The following ZPBP variants were observed in gnomAD, a reference collection of about 807,000 sequenced individuals.
ZPBP encodes zona pellucida-binding protein 1.
In ZPBP, 26 loss-of-function variants were observed where a neutral mutation model predicts 44.8. The observed-to-expected ratio is 0.58, with a 90% CI of 0.43 to 0.81. ZPBP has a LOEUF of 0.81. ZPBP is among the 30% of genes least tolerant of loss of function. The pLI is 0.00. For missense variants in ZPBP, 409 were observed against 434.0 expected (o/e 0.94, Z 0.51); for synonymous variants, 174 against 153.2 (o/e 1.14, Z -1.00).
intron 1 of ZPBP, among the ~76,000 whole-genome samples, chr7:49,903,695 T>G (rs963122781): frequency 6.6e-6 from 1 of 152,198 alleles, no homozygotes; most frequent in African/African-American, 2.4e-5. Flanking sequence ...TAGACGTATA[T>G]GCACATATTA....
At chr7:49,996,390 A>C (rs1449684204) in intron 6 of ZPBP, among the ~76,000 whole-genome samples, 1 of 152,112 alleles carries the variant, frequency 6.6e-6, no homozygotes, top group Non-Finnish European at 1.5e-5. Flanking sequence ...CGACCTCCAC[A>C]CATCCTTACT....
chr7:49,856,808 G>A (rs1790435920), intron 2 of ZPBP, among the ~76,000 whole-genome samples: 1 of 151,938 alleles, frequency 6.6e-6, no homozygotes, highest in African/African-American at 2.4e-5. Context: ...AGGAGATCGA[G>A]ACCATCCTGG....
At chr7:50,070,301 G>C (rs1218312366) in intron 3 of ZPBP, among the ~76,000 whole-genome samples, 1 of 152,182 alleles carries the variant, frequency 6.6e-6, no homozygotes, top group Non-Finnish European at 1.5e-5. Flanking sequence ...TGGTACCCTG[G>C]AGGTGATCAA....
chr7:49,968,921 G>C (rs370036669), intron 7 of ZPBP, among the ~76,000 whole-genome samples: 1 of 151,742 alleles, frequency 6.6e-6, no homozygotes, highest in Non-Finnish European at 1.5e-5. Context: ...CATAGACATA[G>C]GATGAATAAA....
chr7:49,984,534 C>G (rs148942906), intron 6 of ZPBP, among the ~76,000 whole-genome samples: 1 of 152,138 alleles, frequency 6.6e-6, no homozygotes, highest in East Asian at 1.9e-4. Context: ...TTTAGATAAT[C>G]AGGCATTAAG....
chr7:49,857,183 C>T (rs769920), intron 2 of ZPBP, among the ~76,000 whole-genome samples: 14,931 of 152,104 alleles, frequency 0.098, 2,123 homozygotes, highest in African/African-American at 0.31. Flanking sequence ...CAACTTTCTA[C>T]TTACCCCTAC....
intron 6 of ZPBP, among the ~76,000 whole-genome samples, chr7:49,993,244 T>C (rs1454944357): frequency 6.6e-6 from 1 of 151,906 alleles, no homozygotes; most frequent in Non-Finnish European, 1.5e-5. Context: ...TCAATCCATA[T>C]AGAATAATAA....
At chr7:49,959,588 T>C (rs1795762438) in intron 7 of ZPBP, among the ~76,000 whole-genome samples, 1 of 151,936 alleles carries the variant, frequency 6.6e-6, no homozygotes, top group Non-Finnish European at 1.5e-5. Flanking sequence ...CTACAAAACA[T>C]CCCAAAAACA....
chr7:50,007,302 A>G (rs1470396753), intron 6 of ZPBP, among the ~76,000 whole-genome samples: 6 of 152,066 alleles, frequency 3.9e-5, no homozygotes, highest in African/African-American at 1.4e-4. Flanking sequence ...AAATGGACAA[A>G]GTCCTAGAAA....
rs1047512677 is a variant in ZPBP, at chr7:49,998,168, G to C, written c.784-14649C>G. 2.6e-5 allele frequency among the ~76,000 whole-genome samples: 4 copies of C among 151,984 alleles called. No homozygotes were observed. The East Asian group carries it at 5.8e-4, about 22-fold the overall frequency. The stretch of plus-strand genomic sequence containing the variant: ...CCTGACTTCGTGATCCACCCACCTC[G>C]GTCTCCCAAAGTGCTAGGATTACAG... On this transcript the variant is annotated intron_variant, in intron 6 of 7. Coordinates refer to ENST00000046087, the MANE Select transcript of ZPBP (RefSeq NM_007009.3).
At chr7:49,992,001 A>T (rs553208886) in intron 6 of ZPBP, among the ~76,000 whole-genome samples, 92 of 152,238 alleles carry the variant, frequency 6.0e-4, no homozygotes, top group Middle Eastern at 3.4e-3. Context: ...AAAACTGAGG[A>T]GAAAACTACA....
At chr7:49,912,022 T>G (rs753812021) in intron 1 of ZPBP, 1 of 1,610,762 alleles carries the variant, frequency 6.2e-7, no homozygotes, top group Admixed American at 1.7e-5. Flanking sequence ...AAAACATTTT[T>G]CTGCATTTCA....
intron 7 of ZPBP, chr7:49,942,679 C>A (rs1794938147): frequency 6.5e-6 from 1 of 152,790 alleles, no homozygotes; most frequent in Non-Finnish European, 1.5e-5. Context: ...ATATGTTCTT[C>A]CTCAGATTCC....
chr7:49,934,155 T>A (rs948260322), downstream of ZPBP, among the ~76,000 whole-genome samples: 4 of 152,056 alleles, frequency 2.6e-5, no homozygotes, highest in African/African-American at 9.7e-5. Flanking sequence ...TCTTTTCATA[T>A]CTTCACTGTG....
chr7:49,997,655 T>C (rs1454620365), intron 6 of ZPBP, among the ~76,000 whole-genome samples: 7 of 152,130 alleles, frequency 4.6e-5, no homozygotes, highest in African/African-American at 1.7e-4. Flanking sequence ...TCAGGCAATG[T>C]AGGATTAATC....
At chr7:50,085,516 G>A (rs945561635) in intron 2 of ZPBP, among the ~76,000 whole-genome samples, 1 of 151,994 alleles carries the variant, frequency 6.6e-6, no homozygotes, top group Non-Finnish European at 1.5e-5. Context: ...CAGCAGCCTG[G>A]CAGCCAATGA....
At chr7:49,982,166 ATTAT>A (rs1244259070) in intron 7 of ZPBP, among the ~76,000 whole-genome samples, 3 of 26,768 alleles carry the variant, frequency 1.1e-4, no homozygotes, top group South Asian at 8.6e-4. Context: ...TATAATATAT[ATTAT>A]ATATATATAA....
chr7:50,089,188 T>C (rs764077733), intron 2 of ZPBP, among the ~76,000 whole-genome samples: 6 of 152,064 alleles, frequency 3.9e-5, no homozygotes, highest in African/African-American at 1.4e-4. Flanking sequence ...CTAAAAACAA[T>C]TGAATTGTGC....
intron 6 of ZPBP, among the ~76,000 whole-genome samples, chr7:50,010,287 CA>C (rs1798510407): frequency 6.6e-6 from 1 of 151,530 alleles, no homozygotes; most frequent in East Asian, 1.9e-4. Flanking sequence ...AACAATGAAA[CA>C]GAATAAAGAA....
Sources: gnomAD v4.1 joint callset for allele counts (sites outside exome capture counted in the v4.1 genomes callset) on GRCh38, gnomAD v4.1.1 for gene constraint, MANE v1.5 for transcripts, NCBI Gene and HGNC (gene_info 2026-07-23, HGNC 2026-07-21) for gene names.